PARD3B: variants seen among roughly 807,000 people sequenced by gnomAD.
The protein encoded by PARD3B is par-3 family cell polarity regulator beta.
A neutral mutation model predicts 130.2 loss-of-function variants in PARD3B; 103 were observed. The ratio of observed to expected loss-of-function variants is 0.79; its 90% CI spans 0.67 to 0.93. The LOEUF is 0.93. Ranked by LOEUF, PARD3B falls within the 40% of genes least tolerant of loss-of-function variation. The probability of loss-of-function intolerance (pLI) is 0.00; values close to 1 mark genes in which losing one functional copy is unlikely to be tolerated. For synonymous variants in PARD3B, 583 were observed against 553.2 expected (o/e 1.05, Z -0.76); for missense variants, 1,609 against 1,499.2 (o/e 1.07, Z -1.21).
At chr2:204,662,385 A>G (rs2035848262) in intron 1 of PARD3B, among the ~76,000 whole-genome samples, 1 of 152,186 alleles carries the variant, frequency 6.6e-6, no homozygotes, top group Non-Finnish European at 1.5e-5. Context: ...TTTTCATTGA[A>G]GTAATGGGCT....
chr2:205,186,224 G>A (rs1453947122), intron 14 of PARD3B, among the ~76,000 whole-genome samples: 3 of 144,580 alleles, frequency 2.1e-5, no homozygotes, highest in African/African-American at 8.7e-5. Context: ...GTTTTTATTA[G>A]TAATTGGCAA....
chr2:205,264,025 T>C (rs974578334), intron 16 of PARD3B, among the ~76,000 whole-genome samples: 1 of 151,016 alleles, frequency 6.6e-6, no homozygotes, highest in African/African-American at 2.4e-5. Flanking sequence ...CTTGACACTT[T>C]TTTATATTTG....
chr2:205,385,105 T>C (rs539748718), intron 18 of PARD3B, among the ~76,000 whole-genome samples: 1 of 152,306 alleles, frequency 6.6e-6, no homozygotes, highest in East Asian at 1.9e-4. Flanking sequence ...ATAAGAAATC[T>C]GATTAGCTTA....
chr2:205,131,738 T>C (rs2032017662), intron 10 of PARD3B, among the ~76,000 whole-genome samples: 1 of 152,066 alleles, frequency 6.6e-6, no homozygotes, highest in Non-Finnish European at 1.5e-5. Context: ...TACTCAGAGA[T>C]TAGAAAGTAC....
At chr2:204,563,840 G>T (rs2031499997) in intron 1 of PARD3B, among the ~76,000 whole-genome samples, 1 of 152,054 alleles carries the variant, frequency 6.6e-6, no homozygotes. Context: ...GTGGCGCTAT[G>T]TCGGCTCACT....
At chr2:205,379,682 C>CA (rs139434527) in intron 18 of PARD3B, among the ~76,000 whole-genome samples, 3,148 of 151,860 alleles carry the variant, frequency 0.021, 92 homozygotes, top group African/African-American at 0.072. Context: ...AATTGGCAAA[C>CA]AAAAAAAGTG....
Position 204,661,019 on chromosome 2 carries a change from G to C in PARD3B, c.121-25162G>C, listed in dbSNP as rs868290006. On this transcript the variant is annotated intron_variant, in intron 1 of 22. Transcript: ENST00000406610. ...AGTTGAGTACTGATGCTTTCCCCAG[G>C]GAGCACTGCCAGTGACTTGCCCTAC... 1.1e-4 allele frequency among the ~76,000 whole-genome samples: 17 copies of C among 152,224 alleles called. No individual in the cohort carries two copies. In the Middle Eastern group the frequency reaches 0.014, roughly 122 times the overall value.
At chr2:205,296,731 T>C (rs1050756133) in intron 16 of PARD3B, among the ~76,000 whole-genome samples, 4 of 151,416 alleles carry the variant, frequency 2.6e-5, no homozygotes, top group Non-Finnish European at 5.9e-5. Flanking sequence ...TTTTTGGGAA[T>C]GGAGGGTAGT....
chr2:205,416,074 C>G lies in PARD3B; in HGVS notation c.2741+14951C>G, dbSNP rs186450106. ...TTTGAAGGAATATGAGAAACAGTTT[C>G]AAGCATAGACTAGCTGAGGAGTAGG... On this transcript the variant is annotated intron_variant, in intron 19 of 22. Transcript: ENST00000406610. 2.0e-5 allele frequency among the ~76,000 whole-genome samples: 3 copies of G among 152,120 alleles called. No individual in the cohort carries two copies. In the East Asian group the frequency reaches 5.8e-4, roughly 30 times the overall value.
intron 1 of PARD3B, among the ~76,000 whole-genome samples, chr2:204,573,300 G>T (rs187314937): frequency 6.6e-6 from 1 of 152,298 alleles, no homozygotes; most frequent in African/African-American, 2.4e-5. Flanking sequence ...GATAACCATA[G>T]CAATATGGTA....
chr2:205,086,807 G>A (rs1484690554), intron 4 of PARD3B, among the ~76,000 whole-genome samples: 2 of 152,294 alleles, frequency 1.3e-5, no homozygotes, highest in Non-Finnish European at 2.9e-5. Context: ...GAAGCCCACA[G>A]GGGTGGGTGT....
intron 2 of PARD3B, among the ~76,000 whole-genome samples, chr2:204,857,372 A>G (rs1416431960): frequency 6.6e-6 from 1 of 152,128 alleles, no homozygotes; most frequent in African/African-American, 2.4e-5. Context: ...AAGTTATCTT[A>G]TGTGGAAGAG....
Position 205,300,502 on chromosome 2 carries a change from G to T in PARD3B, c.2186-28G>T. On this transcript the variant is annotated intron_variant, in intron 16 of 22. Transcript: ENST00000406610. The surrounding 1 kb of genome is among the most constrained non-coding windows in gnomAD (Gnocchi z 4.1). ...ACACCACACTGCCCCATTAGAAGAG[G>T]GGTGACCTTTTGCCCTTTCTTTTCC... 1.3e-6 allele frequency: 2 copies of T among 1,569,636 alleles called. No homozygotes were observed. The highest frequency in any genetic ancestry group is 2.2e-5 in the South Asian group (2 of 89,986).
intron 3 of PARD3B, among the ~76,000 whole-genome samples, chr2:205,045,580 A>G (rs1031275137): frequency 2.6e-5 from 4 of 152,022 alleles, no homozygotes; most frequent in Admixed American, 1.3e-4. Context: ...TATATCTTAA[A>G]TATTTTAGTG....
At chr2:204,652,160 G>C (rs1348741360) in intron 1 of PARD3B, among the ~76,000 whole-genome samples, 1 of 152,068 alleles carries the variant, frequency 6.6e-6, no homozygotes, top group East Asian at 1.9e-4. Context: ...CTGCAGCTTT[G>C]AATCACCCCC....
intron 2 of PARD3B, among the ~76,000 whole-genome samples, chr2:204,877,932 C>T (rs1183515805): frequency 6.6e-6 from 1 of 152,166 alleles, no homozygotes; most frequent in African/African-American, 2.4e-5. Flanking sequence ...TAACTAACTT[C>T]CTCAGACTGA....
chr2:204,962,568 G>GT (rs1690842509), intron 2 of PARD3B, among the ~76,000 whole-genome samples: 2 of 152,124 alleles, frequency 1.3e-5, no homozygotes, highest in African/African-American at 4.8e-5. Flanking sequence ...TAGAACAGTG[G>GT]TTTATGTTAA....
At chr2:205,228,594 G>A (rs1211100887) in intron 15 of PARD3B, among the ~76,000 whole-genome samples, 1 of 152,010 alleles carries the variant, frequency 6.6e-6, no homozygotes, top group African/African-American at 2.4e-5. Context: ...GTCTTATTTG[G>A]GGTAAATTTG....
intron 18 of PARD3B, among the ~76,000 whole-genome samples, chr2:205,333,518 C>A (rs1426414667): frequency 6.6e-6 from 1 of 152,104 alleles, no homozygotes; most frequent in Admixed American, 6.5e-5. Context: ...CCTAACCACC[C>A]TGGGCTTCTT....
Sources: gnomAD v4.1 joint callset for allele counts (sites outside exome capture counted in the v4.1 genomes callset) on GRCh38, gnomAD v4.1.1 for gene constraint, Gnocchi (gnomAD v3.1) non-coding constraint, MANE v1.5 for transcripts, NCBI Gene and HGNC (gene_info 2026-07-23, HGNC 2026-07-21) for gene names.